Variants in CABIN1 observed in about 807,000 individuals in gnomAD.
CABIN1 encodes the protein calcineurin-binding protein cabin-1.
CABIN1 carries 133 observed loss-of-function variants against 227.7 expected under a neutral mutation model. That is an observed-to-expected ratio of 0.58 (90% CI 0.51 to 0.67). CABIN1 has a LOEUF of 0.67. CABIN1 is among the 30% of genes least tolerant of loss of function. The pLI is 0.00. For missense variants in CABIN1, 2,408 were observed against 2,852.5 expected (o/e 0.84, Z 3.55); for synonymous variants, 1,086 against 1,155.1 (o/e 0.94, Z 1.21).
intron 29 of CABIN1, among the ~76,000 whole-genome samples, chr22:24,161,843 G>A (rs1469174401): frequency 6.6e-6 from 1 of 152,114 alleles, no homozygotes; most frequent in Non-Finnish European, 1.5e-5. Context: ...AGGAAAACCA[G>A]GTGAAGCAGG....
chr22:24,105,688 C>T (rs1027246732), intron 26 of CABIN1, among the ~76,000 whole-genome samples: 2 of 152,182 alleles, frequency 1.3e-5, no homozygotes, highest in Non-Finnish European at 2.9e-5. Flanking sequence ...AAGTCTGGCT[C>T]TCCTACATCA....
At chr22:24,083,007 A>G (rs755875575) in intron 19 of CABIN1, among the ~76,000 whole-genome samples, 4 of 152,232 alleles carry the variant, frequency 2.6e-5, no homozygotes, top group Admixed American at 2.6e-4. Context: ...TCAGGAGGCT[A>G]CTGTTGGGCC....
At position 24,167,070 on chromosome 22, in the gene CABIN1, C is replaced by A. The variant is rs113737501; in HGVS notation, c.5439C>A (p.Leu1813=). The A allele has an allele frequency of 2.4e-3, 3,671 of 1,544,632 alleles. 68 individuals are homozygous for A. The South Asian group carries it at 0.03, about 13-fold the overall frequency. The part of the protein sequence containing the change: ...SISARQQPTP[L]TPAQPAPAPA... The stretch of plus-strand genomic sequence containing the variant: ...GTGCCCGGCAGCAGCCCACCCCGCT[C>A]ACCCCAGCCCAGCCAGCCCCCGCCC... The change falls in exon 32 of 37, where the codon CTC becomes CTA. Residue 1813 remains leucine (L), a synonymous_variant. Transcript: ENST00000263119.
Position 24,065,231 on chromosome 22 carries a change from G to A in CABIN1, c.2037+1044G>A, listed in dbSNP as rs2039546333. The stretch of plus-strand genomic sequence containing the variant: ...AGACGGGGCGGCTGCCGGTTGGAGG[G>A]GCTCCTCACTTCTCAGACGGGGCGG... On this transcript the variant is annotated intron_variant, in intron 15 of 36. Coordinates refer to ENST00000263119, the MANE Select transcript of CABIN1 (RefSeq NM_012295.4). 9.3e-5 allele frequency among the ~76,000 whole-genome samples: 14 copies of A among 150,090 alleles called. No individual in the cohort carries two copies. In the South Asian group the frequency reaches 2.9e-3, roughly 32 times the overall value.
At chr22:24,048,475 C>T (rs564246234) in intron 6 of CABIN1, among the ~76,000 whole-genome samples, 7 of 152,102 alleles carry the variant, frequency 4.6e-5, no homozygotes, top group East Asian at 3.9e-4. Context: ...GGCTAGAGTA[C>T]GGTGGTATGA....
chr22:24,060,189 TG>T (rs1402503519), intron 12 of CABIN1, 48 bp downstream of exon 12: 4 of 1,543,250 alleles, frequency 2.6e-6, no homozygotes, highest in Non-Finnish European at 3.6e-6. Flanking sequence ...GACCAGGGCA[TG>T]GGGACAGGGA....
At chr22:24,166,250 C>A (rs1024676158) in intron 31 of CABIN1, among the ~76,000 whole-genome samples, 1 of 152,208 alleles carries the variant, frequency 6.6e-6, no homozygotes, top group African/African-American at 2.4e-5. Context: ...CTTGGTGGCC[C>A]TGGGCAGGTC....
chr22:24,168,330 C>G, intron 32 of CABIN1, 117 bp from the exon 33 acceptor site: 1 of 1,000,266 alleles, frequency 1.0e-6, no homozygotes, highest in Non-Finnish European at 1.5e-6. Flanking sequence ...TGGGGGGCAC[C>G]CGAGCCACAG....
At chr22:24,101,254 G>T (rs1304298668) in intron 26 of CABIN1, among the ~76,000 whole-genome samples, 1 of 152,184 alleles carries the variant, frequency 6.6e-6, no homozygotes, top group Non-Finnish European at 1.5e-5. Context: ...AATCAGCTAG[G>T]ATCAATTCTG....
At chr22:24,111,955 T>A (rs1028571770) in intron 26 of CABIN1, among the ~76,000 whole-genome samples, 1 of 152,240 alleles carries the variant, frequency 6.6e-6, no homozygotes, top group Non-Finnish European at 1.5e-5. Flanking sequence ...CTTTTTTTTA[T>A]CTCACTGCTG....
At chr22:24,063,189 C>T (rs200467174) in intron 14 of CABIN1, 43 bp downstream of exon 14, 8 of 1,596,888 alleles carry the variant, frequency 5.0e-6, no homozygotes, top group Admixed American at 1.7e-5. Context: ...GCCCTGACAC[C>T]CAGCAGGGTG....
At chr22:24,111,281 C>T (rs2042793598) in intron 26 of CABIN1, among the ~76,000 whole-genome samples, 1 of 152,204 alleles carries the variant, frequency 6.6e-6, no homozygotes, top group South Asian at 2.1e-4. Flanking sequence ...TCATCTAACA[C>T]GGGGGTCCCC....
chr22:24,033,466 A>C (rs2036639940), intron 1 of CABIN1, among the ~76,000 whole-genome samples: 1 of 152,222 alleles, frequency 6.6e-6, no homozygotes, highest in Admixed American at 6.5e-5. Flanking sequence ...AGCCCCTAGC[A>C]GTTATTTTAA....
rs751592292 is a variant in CABIN1 at position 24,056,146 on chromosome 22, T to C, written c.1094-46T>C. On this transcript the variant is annotated intron_variant, in intron 9 of 36. Coordinates refer to ENST00000263119, the MANE Select transcript of CABIN1 (RefSeq NM_012295.4). Reference sequence around the variant, plus strand: ...GATGTGTCTGTGTGGTGCATTTTTTTCATCCCTGCCACCGTGTAAGATTTT... The same window carrying C: ...GATGTGTCTGTGTGGTGCATTTTTTCCATCCCTGCCACCGTGTAAGATTTT... 5 of 1,563,888 alleles carry C rather than the reference T, an allele frequency of 3.2e-6. No homozygotes were observed. In the African/African-American group the frequency reaches 5.4e-5, roughly 17 times the overall value.
At chr22:24,043,905 T>A (rs117011550) in intron 6 of CABIN1, among the ~76,000 whole-genome samples, 1 of 152,198 alleles carries the variant, frequency 6.6e-6, no homozygotes, top group East Asian at 1.9e-4. Context: ...GGGACAGATA[T>A]AGGACAAACA....
At chr22:24,165,467 C>T (rs1264393790) in intron 30 of CABIN1, 63 bp from the exon 31 acceptor site, 7 of 1,407,388 alleles carry the variant, frequency 5.0e-6, no homozygotes, top group African/African-American at 1.4e-5. Context: ...GGCCACCATC[C>T]AGCAGTGCCA....
At chr22:24,088,352 G>A (rs996626299) in intron 23 of CABIN1, among the ~76,000 whole-genome samples, 3 of 152,200 alleles carry the variant, frequency 2.0e-5, no homozygotes, top group African/African-American at 7.2e-5. Context: ...GCTCACGCCT[G>A]TAATCCCAAC....
chr22:24,085,999 C>T (rs1396175553), intron 22 of CABIN1, among the ~76,000 whole-genome samples: 1 of 152,178 alleles, frequency 6.6e-6, no homozygotes. Context: ...TCCACCTTGT[C>T]AGGATCCATC....
intron 33 of CABIN1, among the ~76,000 whole-genome samples, chr22:24,169,780 A>G (rs2046680377): frequency 1.3e-5 from 2 of 152,334 alleles, no homozygotes; most frequent in Non-Finnish European, 1.5e-5. Context: ...TGACGTCCTT[A>G]AAAGATAGAC....
Sources: allele counts gnomAD v4.1 joint callset (sites outside exome capture counted in the v4.1 genomes callset), GRCh38; gene constraint gnomAD v4.1.1; transcripts MANE v1.5; gene names NCBI Gene and HGNC (gene_info 2026-07-23, HGNC 2026-07-21).